Variants in RYR3 observed in about 807,000 individuals in gnomAD.
The protein encoded by RYR3 is ryanodine receptor 3, also known as brain ryanodine receptor-calcium release channel.
In RYR3, 207 loss-of-function variants were observed where a neutral mutation model predicts 584.3. The ratio of observed to expected loss-of-function variants is 0.35; its 90% confidence interval spans 0.32 to 0.40. The LOEUF (loss-of-function observed/expected upper bound fraction) is 0.40. Among genes scored for constraint, RYR3 ranks in the 10% least tolerant of loss-of-function variants. RYR3 has a pLI of 1.00. For missense variants in RYR3, 5,616 were observed against 6,089.2 expected, an observed-to-expected ratio of 0.92 and a Z score of 2.59; for synonymous variants, 2,416 against 2,248.5, an observed-to-expected ratio of 1.07 and a Z score of -2.11.
rs149174167 is a variant in RYR3, at chr15:33,724,634, G to C, written c.6912+458G>C. ...GTAGAGTTTGCAAACATCACAAAAGGATGGTTCTATTTTATGAGATGTCTT... is the reference window on the plus strand; with the variant it reads ...GTAGAGTTTGCAAACATCACAAAAGCATGGTTCTATTTTATGAGATGTCTT... On this transcript the variant is annotated intron_variant, in intron 45 of 103. Transcript: ENST00000634891. Among the ~76,000 whole-genome samples the C allele has an allele frequency of 5.3e-3, 813 of 152,302 alleles. 2 individuals are homozygous for C. The highest frequency in any genetic ancestry group is 8.6e-3 in the Non-Finnish European group (585 of 68,028).
chr15:33,535,382 T>A (rs1013903804), intron 5 of RYR3, among the ~76,000 whole-genome samples: 1 of 152,254 alleles, frequency 6.6e-6, no homozygotes, highest in African/African-American at 2.4e-5. Flanking sequence ...AGCAAAAAAG[T>A]GGCCCCGCCT....
rs2152530549 is a variant in RYR3 at position 33,589,614 on chromosome 15, CTAT to C, written c.1788+3499_1788+3501del. On this transcript the variant is annotated intron_variant, in intron 16 of 103. Transcript: ENST00000634891. ...TCAGGTCTTACACTTAAGTCTTTAA[CTAT>C]ATCTTGAGTTGATTTTTGTATTTAG... 2.0e-5 allele frequency among the ~76,000 whole-genome samples: 3 copies of C among 152,232 alleles called. 1 individual carries two copies. In the South Asian group the frequency reaches 6.2e-4, roughly 32 times the overall value.
At position 33,594,383 on chromosome 15, in the gene RYR3, G is replaced by A. The variant is rs113637903; in HGVS notation, c.1789-7036G>A. On this transcript the variant is annotated intron_variant, in intron 16 of 103. Coordinates refer to ENST00000634891, the MANE Select transcript of RYR3 (RefSeq NM_001036.6). ...CCAAATTCTGGAGAAGTTAGGTAGA[G>A]AGAAACAAATATGCTCCAAATTTTG... Among the ~76,000 whole-genome samples, 909 of 152,292 alleles carry A rather than the reference G, an allele frequency of 6.0e-3. 10 individuals carry two copies. Among genetic ancestry groups the A allele is most frequent in the African/African-American group, 0.021 (862 of 41,558 alleles).
At chr15:33,854,727 G>T in intron 97 of RYR3, 39 bp from the exon 98 acceptor site, 1 of 1,576,356 alleles carries the variant, frequency 6.3e-7, no homozygotes, top group Non-Finnish European at 8.6e-7. Flanking sequence ...CACACTATGA[G>T]GCAAACATGC....
intron 1 of RYR3, among the ~76,000 whole-genome samples, chr15:33,322,732 C>T (rs1460021050): frequency 6.6e-6 from 1 of 151,882 alleles, no homozygotes; most frequent in Non-Finnish European, 1.5e-5. Context: ...ACTTTTTTTC[C>T]ACTGAATGTC....
chr15:33,832,826 A>G (rs928737484), intron 86 of RYR3, among the ~76,000 whole-genome samples: 1 of 151,802 alleles, frequency 6.6e-6, no homozygotes, highest in African/African-American at 2.4e-5. Flanking sequence ...CCTGGCTAAC[A>G]TGGTGAAACC....
chr15:33,540,292 G>A (rs568783086), intron 6 of RYR3, among the ~76,000 whole-genome samples: 9 of 152,258 alleles, frequency 5.9e-5, no homozygotes, highest in African/African-American at 1.9e-4. Context: ...ATCACAGAGA[G>A]TGGAAGTTGC....
Position 33,852,021 on chromosome 15 carries a change from A to C in RYR3, c.13629-1024A>C, listed in dbSNP as rs1004622303. 3 of 149,978 alleles carry C rather than the reference A, an allele frequency of 2.0e-5. No homozygotes were observed. In the East Asian group the frequency reaches 5.8e-4, roughly 29 times the overall value. The allele number at this position is 149,978 out of a possible 1,614,324, so 9.3% of individuals were successfully genotyped here. The stretch of plus-strand genomic sequence containing the variant: ...CTTTAACAAACCAAAAAAAAAAAAC[A>C]TTTTTTTTTAAATACTGCCACCCTG... On this transcript the variant is annotated intron_variant, in intron 94 of 103. Coordinates refer to ENST00000634891, the MANE Select transcript of RYR3 (RefSeq NM_001036.6).
intron 43 of RYR3, 141 bp from the exon 44 acceptor site, chr15:33,722,574 A>G: frequency 1.3e-6 from 1 of 742,546 alleles, no homozygotes; most frequent in South Asian, 1.7e-5. Context: ...CTCCACTCCC[A>G]CTGCCCACTT....
In RYR3 at chr15:33,550,118, T is replaced by C. The variant is rs142898678; in HGVS notation, c.816-42T>C. On this transcript the variant is annotated intron_variant, in intron 9 of 103. Coordinates refer to ENST00000634891, the MANE Select transcript of RYR3 (RefSeq NM_001036.6). ...TAGGATAAATACTGAAAAGGACTTATTTTTGTATAAATGCAATTTCTTGTC... is the reference window on the plus strand; with the variant it reads ...TAGGATAAATACTGAAAAGGACTTACTTTTGTATAAATGCAATTTCTTGTC... The C allele has an allele frequency of 1.2e-3, 1,887 of 1,598,422 alleles. 3 individuals carry two copies. Among genetic ancestry groups the C allele is most frequent in the Middle Eastern group, 1.3e-3 (8 of 5,970 alleles).
At chr15:33,752,387 G>T (rs1193587395) in intron 57 of RYR3, among the ~76,000 whole-genome samples, 1 of 152,104 alleles carries the variant, frequency 6.6e-6, no homozygotes, top group Non-Finnish European at 1.5e-5. Context: ...CCATTTGTTT[G>T]TGTCCTCTCT....
intron 1 of RYR3, among the ~76,000 whole-genome samples, chr15:33,399,033 AG>A (rs2042466716): frequency 6.6e-6 from 1 of 152,220 alleles, no homozygotes; most frequent in Non-Finnish European, 1.5e-5. Context: ...GATTTATACA[AG>A]GGCCAGGATT....
chr15:33,865,551 A>T lies in RYR3; in HGVS notation c.*325A>T. On this transcript the variant is annotated 3_prime_UTR_variant, in exon 104 of 104. Transcript: ENST00000634891. Reference sequence around the variant, plus strand: ...GGAAGCATGAAGGAAAGGGCTAGAGAAGTATGAAATCTCGAATGTGTAATA... The same window carrying T: ...GGAAGCATGAAGGAAAGGGCTAGAGTAGTATGAAATCTCGAATGTGTAATA... 3.9e-6 allele frequency: 1 copy of T among 258,030 alleles called. No individual in the cohort carries two copies. Among genetic ancestry groups the T allele is most frequent in the Non-Finnish European group, 7.4e-6 (1 of 134,408 alleles). 16.0% of individuals were successfully genotyped at this position (258,030 alleles called of 1,614,324 possible).
intron 20 of RYR3, among the ~76,000 whole-genome samples, chr15:33,625,255 T>A (rs2060926261): frequency 6.6e-6 from 1 of 152,144 alleles, no homozygotes; most frequent in Admixed American, 6.5e-5. Flanking sequence ...AGGCTGCCCC[T>A]ATGATCAAAT....
chr15:33,568,989 T>G (rs2057869591), intron 12 of RYR3, among the ~76,000 whole-genome samples: 1 of 152,230 alleles, frequency 6.6e-6, no homozygotes, highest in South Asian at 2.1e-4. Flanking sequence ...ATTCATTTGT[T>G]TCCTCACCTT....
Position 33,437,954 on chromosome 15 carries a change from G to A in RYR3, c.52-35465G>A, listed in dbSNP as rs111471819. ...CCCAGGCTGGCCTTGAACTCCTGGC[G>A]TCAGCATTCCACCTGCTTCAGCCTC... On this transcript the variant is annotated intron_variant, in intron 1 of 103. Coordinates refer to ENST00000634891, the MANE Select transcript of RYR3 (RefSeq NM_001036.6). 1.7e-3 allele frequency among the ~76,000 whole-genome samples: 259 copies of A among 152,130 alleles called. 1 individual carries two copies. The highest frequency in any genetic ancestry group is 5.7e-3 in the African/African-American group (236 of 41,506).
At chr15:33,818,240 G>A (rs1422178771) in intron 75 of RYR3, among the ~76,000 whole-genome samples, 1 of 152,228 alleles carries the variant, frequency 6.6e-6, no homozygotes, top group Non-Finnish European at 1.5e-5. Context: ...CCTGAACTCG[G>A]GTGCCCAGAG....
At chr15:33,593,662 G>GA (rs1478700802) in intron 16 of RYR3, among the ~76,000 whole-genome samples, 1 of 151,936 alleles carries the variant, frequency 6.6e-6, no homozygotes, top group Non-Finnish European at 1.5e-5. Context: ...AGGAAAAATG[G>GA]AAAAAAGAAG....
At chr15:33,860,060 G>C (rs2080169984) in intron 100 of RYR3, among the ~76,000 whole-genome samples, 1 of 152,152 alleles carries the variant, frequency 6.6e-6, no homozygotes, top group Non-Finnish European at 1.5e-5. Context: ...CAGAGAGGGA[G>C]GTAGGGTAGG....
Sources: gnomAD v4.1 joint callset for allele counts (sites outside exome capture counted in the v4.1 genomes callset) on GRCh38, gnomAD v4.1.1 for gene constraint, MANE v1.5 for transcripts, NCBI Gene and HGNC (gene_info 2026-07-23, HGNC 2026-07-21) for gene names.